Variants in PLA2G6 observed in about 807,000 individuals in gnomAD.
PLA2G6 encodes the protein phospholipase A2 group VI.
Under a neutral mutation model 83.8 loss-of-function variants are expected in PLA2G6, and 62 were observed. The observed-to-expected ratio is 0.74, with a 90% CI of 0.60 to 0.91. PLA2G6 has a LOEUF of 0.91. Ranked by LOEUF, PLA2G6 falls within the 40% of genes least tolerant of loss-of-function variation. The pLI is 0.00. For synonymous variants in PLA2G6, 417 were observed against 449.8 expected (o/e 0.93, Z 0.92); for missense variants, 944 against 1,102.0 (o/e 0.86, Z 2.03).
In PLA2G6 at chr22:38,172,238, A is replaced by T. The variant is rs538185667; in HGVS notation, c.-45-2767T>A. On this transcript the variant is annotated intron_variant, in intron 1 of 16. Coordinates refer to ENST00000332509, the MANE Select transcript of PLA2G6 (RefSeq NM_003560.4). ...ATTTTACATATGAGAACACCAAAGA[A>T]CAGAGGGGTAAAGTCACGGGCCCAG... Among the ~76,000 whole-genome samples, 4 of 152,178 alleles carry T rather than the reference A, an allele frequency of 2.6e-5. No homozygotes were observed. The South Asian group carries it at 8.3e-4, about 31-fold the overall frequency.
intron 1 of PLA2G6, among the ~76,000 whole-genome samples, chr22:38,170,510 G>A (rs1018713638): frequency 1.3e-5 from 2 of 152,078 alleles, no homozygotes; most frequent in African/African-American, 4.8e-5. Context: ...GTAACTTTAC[G>A]CTGCATATTC....
At chr22:38,150,551 A>C (rs768340692) in intron 2 of PLA2G6, 1 of 152,280 alleles carries the variant, frequency 6.6e-6, no homozygotes, top group Non-Finnish European at 1.5e-5. Flanking sequence ...GTTCTGGAGT[A>C]GTTTGTTACA....
At chr22:38,139,943 C>A (rs770566567) in intron 5 of PLA2G6, 39 bp downstream of exon 5, 1 of 1,505,296 alleles carries the variant, frequency 6.6e-7, no homozygotes. Context: ...AGAGCTGGAG[C>A]CCAGCAGGCC....
At chr22:38,124,997 C>T (rs143716100) in intron 10 of PLA2G6, among the ~76,000 whole-genome samples, 11 of 152,316 alleles carry the variant, frequency 7.2e-5, no homozygotes, top group Non-Finnish European at 1.3e-4. Flanking sequence ...CTCAGCCCCG[C>T]TCCAGGCAGG....
At chr22:38,143,378 G>A (rs1187849555) in intron 3 of PLA2G6, 90 bp from the exon 4 acceptor site, 19 of 1,233,020 alleles carry the variant, frequency 1.5e-5, no homozygotes, top group Middle Eastern at 2.4e-4. Context: ...AAGTGCACTC[G>A]GAAACTCGGA....
chr22:38,177,593 G>A (rs1184646937), intron 1 of PLA2G6, among the ~76,000 whole-genome samples: 2 of 151,354 alleles, frequency 1.3e-5, no homozygotes, highest in African/African-American at 2.4e-5. Context: ...CTCCAGACTA[G>A]CTGGGATTAC....
intron 2 of PLA2G6, chr22:38,150,041 ACCC>A (rs1173775928): frequency 8.3e-6 from 1 of 120,980 alleles, no homozygotes; most frequent in Non-Finnish European, 1.7e-5. Context: ...GCCCTCCCTG[ACCC>A]CACCACCAAA....
At chr22:38,178,794 A>G (rs1399499467) in intron 1 of PLA2G6, among the ~76,000 whole-genome samples, 1 of 152,122 alleles carries the variant, frequency 6.6e-6, no homozygotes, top group African/African-American at 2.4e-5. Flanking sequence ...CAAACCCAGG[A>G]GGCGGAGGCT....
chr22:38,178,636 G>A (rs1317639930), intron 1 of PLA2G6, among the ~76,000 whole-genome samples: 4 of 152,038 alleles, frequency 2.6e-5, no homozygotes, highest in South Asian at 2.1e-4. Flanking sequence ...AGGCCGAGGC[G>A]GGTGGATCAC....
At chr22:38,113,151 C>T (rs1416045922) in intron 15 of PLA2G6, among the ~76,000 whole-genome samples, 1 of 152,186 alleles carries the variant, frequency 6.6e-6, no homozygotes, top group Admixed American at 6.5e-5. Flanking sequence ...AAGTGGTCCG[C>T]CTGCCTTGGC....
Position 38,169,394 on chromosome 22 carries a change from G to A in PLA2G6, c.33C>T (p.Phe11=). The A allele has an allele frequency of 6.2e-7, 1 of 1,614,242 alleles. No individual in the cohort carries two copies. Among genetic ancestry groups the A allele is most frequent in the Non-Finnish European group, 8.5e-7 (1 of 1,180,040 alleles). The part of the protein sequence containing the change: MQFFGRLVNT[F]SGVTNLFSNP... ...TAGAGAACAAGTTGGTGACGCCACT[G>A]AAGGTATTGACCAGGCGGCCAAAGA... The change falls in exon 2 of 17, where the codon TTC becomes TTT. Residue 11 remains phenylalanine, a synonymous_variant. Transcript: ENST00000332509.
chr22:38,143,052 C>G, intron 4 of PLA2G6, 53 bp downstream of exon 4: 1 of 1,553,412 alleles, frequency 6.4e-7, no homozygotes. Context: ...CAAAGGGAAC[C>G]GTGGACACCG....
Position 38,112,573 on chromosome 22 carries a change from G to A in PLA2G6, c.2207C>T (p.Thr736Met), listed in dbSNP as rs1414538273. Residue 736 changes from threonine to methionine, a missense_variant, in exon 16 of 17, where the codon ACG becomes ATG. By Grantham distance (81) the Thr-to-Met change is moderately conservative. Transcript: ENST00000332509. ...GTCCACAGCCCGCCCGTCTGGATCC[G>A]TGCACTGGTGAGAAGCAGCCTTGGT... Reference protein sequence around the residue: ...ELGKMVVDCCTDPDGRAVDRA... With the variant: ...ELGKMVVDCCMDPDGRAVDRA... The A allele has an allele frequency of 2.1e-5, 32 of 1,550,606 alleles. No individual in the cohort carries two copies. The highest frequency in any genetic ancestry group is 2.6e-5 in the Non-Finnish European group (30 of 1,147,942).
chr22:38,175,592 G>A (rs1053350196), intron 1 of PLA2G6, among the ~76,000 whole-genome samples: 1 of 152,200 alleles, frequency 6.6e-6, no homozygotes, highest in South Asian at 2.1e-4. Context: ...TAACCTGAAT[G>A]TGTGCTCCAC....
chr22:38,140,478 A>C (rs1020013544), intron 4 of PLA2G6: 14 of 361,124 alleles, frequency 3.9e-5, no homozygotes, highest in Non-Finnish European at 6.9e-5. Context: ...ATTGCACTCT[A>C]GCCTGGGCAA....
intron 1 of PLA2G6, among the ~76,000 whole-genome samples, chr22:38,172,127 C>G (rs2090460279): frequency 2.0e-5 from 3 of 152,204 alleles, no homozygotes; most frequent in Admixed American, 2.0e-4. Context: ...TCCTGTGCAT[C>G]TTGCTGGCAC....
At position 38,132,716 on chromosome 22, in the gene PLA2G6, A is replaced by T. The variant is rs11570681; in HGVS notation, c.1077+115T>A. 6.0e-3 allele frequency: 5,833 copies of T among 965,108 alleles called. 220 individuals carry two copies. The African/African-American group carries it at 0.082, about 14-fold the overall frequency. The allele number at this position is 965,108 out of a possible 1,614,324, so 59.8% of individuals were successfully genotyped here. A position where few individuals can be genotyped will look rare whatever the true frequency, so the allele number is the denominator to read the frequency against. On this transcript the variant is annotated intron_variant, in intron 7 of 16. Transcript: ENST00000332509. This position sits in a 1 kb window ranked among gnomAD's most constrained non-coding sequence, Gnocchi z 5.0. ...GAACTGAGCTTTGGGTGGGAAGATG[A>T]TTTGGAGCAGCTGACGATAGGAGGG...
intron 12 of PLA2G6, 38 bp from the exon 13 acceptor site, chr22:38,116,249 C>G: frequency 6.2e-7 from 1 of 1,611,820 alleles, no homozygotes; most frequent in Non-Finnish European, 8.5e-7. Flanking sequence ...CTGAGCCACC[C>G]GCCCATCCAC....
At chr22:38,158,763 G>A (rs762087957) in intron 2 of PLA2G6, among the ~76,000 whole-genome samples, 1 of 152,156 alleles carries the variant, frequency 6.6e-6, no homozygotes, top group Non-Finnish European at 1.5e-5. Flanking sequence ...TTTTATATAT[G>A]TTCCATGGTC....
Sources: gnomAD v4.1 joint callset for allele counts (sites outside exome capture counted in the v4.1 genomes callset) on GRCh38, gnomAD v4.1.1 for gene constraint, Gnocchi (gnomAD v3.1) non-coding constraint, MANE v1.5 for transcripts, NCBI Gene and HGNC (gene_info 2026-07-23, HGNC 2026-07-21) for gene names.